DCAF8L2: variants seen among roughly 807,000 people sequenced by gnomAD.
DCAF8L2 encodes the protein DDB1 and CUL4 associated factor 8 like 2.
For missense variants in DCAF8L2, 430 were observed against 490.7 expected, an observed-to-expected ratio of 0.88 and a Z score of 1.17; for synonymous variants, 200 against 190.9, an observed-to-expected ratio of 1.05 and a Z score of -0.39.
chrX:27,512,470 G>T, the DCAF8L2 span, among the ~76,000 whole-genome samples: 1 of 109,184 alleles, frequency 9.2e-6, no homozygotes, highest in African/African-American at 3.3e-5. Context: ...GATTGCCTGA[G>T]GTCAGGAGTT....
intron 2 of DCAF8L2, among the ~76,000 whole-genome samples, chrX:27,677,318 T>A (rs1232012289): frequency 2.7e-5 from 3 of 111,753 alleles, no homozygotes; most frequent in Non-Finnish European, 5.6e-5. Context: ...GATGCACTCC[T>A]GAGAATTATT....
At chrX:27,635,709 A>G (rs1928469703) in intron 2 of DCAF8L2, among the ~76,000 whole-genome samples, 1 of 111,217 alleles carries the variant, frequency 9.0e-6, no homozygotes, top group Non-Finnish European at 1.9e-5. Flanking sequence ...TGAAAGTGAC[A>G]CTTTTTTTGA....
chrX:27,525,263 T>A, the DCAF8L2 span, among the ~76,000 whole-genome samples: 4 of 112,276 alleles, frequency 3.6e-5, no homozygotes, highest in African/African-American at 1.3e-4. Context: ...CTTGTTGAAG[T>A]GATCCCTTTA....
intron 2 of DCAF8L2, among the ~76,000 whole-genome samples, chrX:27,647,301 C>T (rs181310337): frequency 1.8e-5 from 2 of 112,007 alleles, no homozygotes; most frequent in Admixed American, 1.9e-4. Flanking sequence ...AGCAAACTAA[C>T]GCAGGAACAG....
At chrX:27,730,541 C>T (rs1023248075) in intron 4 of DCAF8L2, among the ~76,000 whole-genome samples, 3 of 110,355 alleles carry the variant, frequency 2.7e-5, no homozygotes, top group Non-Finnish European at 3.8e-5. Flanking sequence ...CCTCAGCCTC[C>T]GGAGTAGCTG....
the DCAF8L2 span, among the ~76,000 whole-genome samples, chrX:27,567,633 C>T: frequency 4.9e-3 from 446 of 91,739 alleles, 1 homozygote; most frequent in African/African-American, 0.017. Context: ...TATTTAAAGA[C>T]CTAAATTAAC....
At chrX:27,629,568 G>T (rs1928202343) in intron 1 of DCAF8L2, among the ~76,000 whole-genome samples, 1 of 106,702 alleles carries the variant, frequency 9.4e-6, no homozygotes, top group African/African-American at 3.4e-5. Flanking sequence ...TTGTTGAAAA[G>T]ACTATCCTTT....
chrX:27,627,904 G>T (rs1347823727), intron 1 of DCAF8L2, among the ~76,000 whole-genome samples: 2 of 94,874 alleles, frequency 2.1e-5, no homozygotes, highest in Non-Finnish European at 4.1e-5. Flanking sequence ...AACTAGTCTG[G>T]TGACAGAGCA....
intron 4 of DCAF8L2, among the ~76,000 whole-genome samples, chrX:27,742,542 C>T (rs1301226518): frequency 1.9e-5 from 2 of 107,960 alleles, no homozygotes; most frequent in Admixed American, 9.9e-5. Context: ...GCACTCCAGC[C>T]TGGGCCACAA....
chrX:27,670,441 A>G (rs939107574), intron 2 of DCAF8L2, among the ~76,000 whole-genome samples: 4 of 111,262 alleles, frequency 3.6e-5, no homozygotes, highest in East Asian at 2.8e-4. Flanking sequence ...GTGCCAAATT[A>G]TGCTCTCAAA....
At chrX:27,653,531 A>C (rs949165025) in intron 2 of DCAF8L2, among the ~76,000 whole-genome samples, 29 of 111,351 alleles carry the variant, frequency 2.6e-4, no homozygotes, top group African/African-American at 9.1e-4. Flanking sequence ...TCTTCTAAAA[A>C]GCGGTTCTGG....
chrX:27,744,960 G>A (rs911975841), intron 4 of DCAF8L2, among the ~76,000 whole-genome samples: 5 of 111,781 alleles, frequency 4.5e-5, no homozygotes, highest in African/African-American at 9.7e-5. Flanking sequence ...AACTTACCCA[G>A]CCTCAGCTAT....
At chrX:27,674,629 A>G (rs1047840142) in intron 2 of DCAF8L2, among the ~76,000 whole-genome samples, 6 of 111,345 alleles carry the variant, frequency 5.4e-5, no homozygotes, top group African/African-American at 2.0e-4. Flanking sequence ...TATTTCCCTT[A>G]CTGTTCATCT....
At chrX:27,526,653 G>GT in the DCAF8L2 span, among the ~76,000 whole-genome samples, 61 of 112,233 alleles carry the variant, frequency 5.4e-4, no homozygotes, top group African/African-American at 1.8e-3. Context: ...CATCTTTGTG[G>GT]TTTTATCTAC....
the DCAF8L2 span, among the ~76,000 whole-genome samples, chrX:27,564,384 A>G: frequency 1.6e-3 from 175 of 111,793 alleles, no homozygotes; most frequent in Non-Finnish European, 2.1e-3. Context: ...ACAGAGTCAA[A>G]CCATATCAGC....
chrX:27,622,061 T>C (rs1927791541), intron 1 of DCAF8L2, among the ~76,000 whole-genome samples: 1 of 110,678 alleles, frequency 9.0e-6, no homozygotes, highest in Non-Finnish European at 1.9e-5. Flanking sequence ...AAATAAAATT[T>C]GGTATTATCT....
At chrX:27,471,842 T>G in the DCAF8L2 span, among the ~76,000 whole-genome samples, 3 of 112,062 alleles carry the variant, frequency 2.7e-5, no homozygotes, top group South Asian at 1.1e-3. Context: ...GTTCAGTGAC[T>G]ATTATGAATG....
the DCAF8L2 span, among the ~76,000 whole-genome samples, chrX:27,578,794 A>G: frequency 1.8e-5 from 2 of 111,297 alleles, no homozygotes; most frequent in Non-Finnish European, 3.8e-5. Flanking sequence ...CAACAAACGT[A>G]TGAAAAAAAG....
chrX:27,503,841 A>G, the DCAF8L2 span, among the ~76,000 whole-genome samples: 1 of 111,888 alleles, frequency 8.9e-6, no homozygotes, highest in African/African-American at 3.2e-5. Flanking sequence ...ATTAAATACA[A>G]GTATAGACTC....
Sources: allele counts gnomAD v4.1 joint callset (sites outside exome capture counted in the v4.1 genomes callset), GRCh38; gene constraint gnomAD v4.1.1; transcripts MANE v1.5; gene names NCBI Gene and HGNC (gene_info 2026-07-23, HGNC 2026-07-21).